Variants in BMAL1 observed in about 807,000 individuals in gnomAD.
BMAL1 encodes the protein basic helix-loop-helix ARNT-like protein 1.
At chr11:13,292,549 A>AC in the BMAL1 span, among the ~76,000 whole-genome samples, 1 of 86,612 alleles carries the variant, frequency 1.2e-5, no homozygotes, top group African/African-American at 3.4e-5. Flanking sequence ...TCCATCTCAA[A>AC]AAAAAAAAAA....
the BMAL1 span, among the ~76,000 whole-genome samples, chr11:13,284,768 A>C: frequency 1.3e-5 from 2 of 152,114 alleles, no homozygotes; most frequent in African/African-American, 4.8e-5. Context: ...AACTCCTTTC[A>C]ATCTTCCCAG....
the BMAL1 span, among the ~76,000 whole-genome samples, chr11:13,307,438 ACAGCAT>A: frequency 6.6e-6 from 1 of 152,192 alleles, no homozygotes; most frequent in East Asian, 1.9e-4. Flanking sequence ...ACCTGTAGCG[ACAGCAT>A]CAGTGAGGTG....
At chr11:13,359,956 G>A in the BMAL1 span, among the ~76,000 whole-genome samples, 1 of 152,184 alleles carries the variant, frequency 6.6e-6, no homozygotes, top group Admixed American at 6.5e-5. Context: ...GTGATTTGAA[G>A]GACTACCAGA....
At chr11:13,321,593 C>G in the BMAL1 span, among the ~76,000 whole-genome samples, 1 of 152,134 alleles carries the variant, frequency 6.6e-6, no homozygotes, top group South Asian at 2.1e-4. Flanking sequence ...CTGCCTGCCA[C>G]GTGCCGGTCA....
chr11:13,335,163 A>G, the BMAL1 span, among the ~76,000 whole-genome samples: 2 of 152,170 alleles, frequency 1.3e-5, no homozygotes, highest in African/African-American at 4.8e-5. Flanking sequence ...TTATCTGAAA[A>G]ATGGGGATGA....
At chr11:13,295,933 A>G in the BMAL1 span, among the ~76,000 whole-genome samples, 3 of 152,140 alleles carry the variant, frequency 2.0e-5, no homozygotes, top group Non-Finnish European at 4.4e-5. Context: ...CTGGTGGCTC[A>G]GAGTCTGGCT....
At chr11:13,337,520 G>C in the BMAL1 span, among the ~76,000 whole-genome samples, 1 of 152,156 alleles carries the variant, frequency 6.6e-6, no homozygotes, top group African/African-American at 2.4e-5. Context: ...ATTTAGGCAT[G>C]AAATTACTTT....
chr11:13,356,637 ATTGT>A, the BMAL1 span: 27 of 1,397,452 alleles, frequency 1.9e-5, no homozygotes, highest in South Asian at 2.5e-4. Context: ...GAACTTTATG[ATTGT>A]TTGGTTTCTG....
At chr11:13,296,685 A>G in the BMAL1 span, among the ~76,000 whole-genome samples, 1 of 152,306 alleles carries the variant, frequency 6.6e-6, no homozygotes, top group African/African-American at 2.4e-5. Flanking sequence ...TGGGAAATGT[A>G]TACTTTTTGT....
chr11:13,289,731 C>T, the BMAL1 span, among the ~76,000 whole-genome samples: 1 of 152,198 alleles, frequency 6.6e-6, no homozygotes, highest in Non-Finnish European at 1.5e-5. Flanking sequence ...TTTATGGCTG[C>T]ATAGTATTCC....
At chr11:13,367,937 G>A in the BMAL1 span, among the ~76,000 whole-genome samples, 1 of 152,202 alleles carries the variant, frequency 6.6e-6, no homozygotes, top group Non-Finnish European at 1.5e-5. Flanking sequence ...AACAGTATCA[G>A]TGTGGCCTAA....
chr11:13,376,549 A>T, the BMAL1 span: 9 of 1,211,412 alleles, frequency 7.4e-6, no homozygotes, highest in South Asian at 1.1e-4. Flanking sequence ...GTCCAGGTCC[A>T]GAGTGGACAC....
At chr11:13,348,073 A>G in the BMAL1 span, among the ~76,000 whole-genome samples, 1 of 152,192 alleles carries the variant, frequency 6.6e-6, no homozygotes, top group African/African-American at 2.4e-5. Context: ...GAGCCTGGGC[A>G]GGAGCTGCTG....
chr11:13,297,003 T>G, the BMAL1 span, among the ~76,000 whole-genome samples: 1 of 152,186 alleles, frequency 6.6e-6, no homozygotes, highest in South Asian at 2.1e-4. Flanking sequence ...CCATGTGGAG[T>G]GTGCTTGCTG....
the BMAL1 span, among the ~76,000 whole-genome samples, chr11:13,322,980 A>G: frequency 6.7e-6 from 1 of 149,372 alleles, no homozygotes; most frequent in Admixed American, 6.7e-5. Context: ...AATTTTTTGT[A>G]GAGACAGCGT....
At chr11:13,288,803 A>G in the BMAL1 span, among the ~76,000 whole-genome samples, 1 of 152,188 alleles carries the variant, frequency 6.6e-6, no homozygotes, top group South Asian at 2.1e-4. Context: ...GTTAATCAGC[A>G]TGGTGTTATC....
the BMAL1 span, among the ~76,000 whole-genome samples, chr11:13,310,779 CT>C: frequency 2.6e-5 from 4 of 152,218 alleles, no homozygotes; most frequent in African/African-American, 4.8e-5. Flanking sequence ...GGCACATAGA[CT>C]TTATCCTGAA....
chr11:13,303,859 A>G, the BMAL1 span, among the ~76,000 whole-genome samples: 1 of 152,182 alleles, frequency 6.6e-6, no homozygotes, highest in Admixed American at 6.5e-5. Context: ...TGCCGCCTAA[A>G]AAAAGGAAGT....
the BMAL1 span, among the ~76,000 whole-genome samples, chr11:13,363,154 A>G: frequency 2.8e-5 from 2 of 71,352 alleles, no homozygotes; most frequent in South Asian, 1.2e-3. Context: ...ATATATATAT[A>G]TATATATATA....
Sources: allele counts gnomAD v4.1 joint callset (sites outside exome capture counted in the v4.1 genomes callset), GRCh38; gene constraint gnomAD v4.1.1; transcripts MANE v1.5; gene names NCBI Gene and HGNC (gene_info 2026-07-23, HGNC 2026-07-21).